Variants in DCC observed in about 807,000 individuals in gnomAD.
DCC encodes the protein netrin receptor DCC.
In DCC, 58 loss-of-function variants were observed where a neutral mutation model predicts 172.5. That is an observed-to-expected ratio of 0.34 (90% CI 0.27 to 0.42). DCC has a LOEUF of 0.42. Among genes scored for constraint, DCC ranks in the 10% least tolerant of loss-of-function variants. DCC has a pLI of 1.00. For synonymous variants in DCC, 709 were observed against 644.5 expected (o/e 1.10, Z -1.52); for missense variants, 1,740 against 1,791.0 (o/e 0.97, Z 0.51).
chr18:52,927,284 T>C (rs1361622721), intron 5 of DCC, among the ~76,000 whole-genome samples: 1 of 150,638 alleles, frequency 6.6e-6, no homozygotes, highest in African/African-American at 2.4e-5. Flanking sequence ...TATATGTGTG[T>C]ATATATGTAT....
chr18:52,699,014 G>T (rs2036060748), intron 1 of DCC, among the ~76,000 whole-genome samples: 1 of 152,122 alleles, frequency 6.6e-6, no homozygotes, highest in African/African-American at 2.4e-5. Flanking sequence ...TATGTGCTTA[G>T]ATAAGTGAAT....
At chr18:53,154,806 G>T (rs954890338) in intron 7 of DCC, among the ~76,000 whole-genome samples, 1 of 152,140 alleles carries the variant, frequency 6.6e-6, no homozygotes, top group Non-Finnish European at 1.5e-5. Context: ...GCAGGCTGAG[G>T]GGGAGGGAGA....
intron 20 of DCC, among the ~76,000 whole-genome samples, chr18:53,411,581 C>A (rs544319504): frequency 6.6e-6 from 1 of 152,154 alleles, no homozygotes; most frequent in African/African-American, 2.4e-5. Context: ...CTTAGTATAA[C>A]TGTATAGCCT....
chr18:53,327,859 T>C (rs2057484741), intron 14 of DCC, among the ~76,000 whole-genome samples: 1 of 152,216 alleles, frequency 6.6e-6, no homozygotes, highest in Non-Finnish European at 1.5e-5. Flanking sequence ...TCTTGTACTT[T>C]TGATAGGGAC....
intron 2 of DCC, among the ~76,000 whole-genome samples, chr18:52,878,010 C>T (rs1057077184): frequency 6.6e-6 from 1 of 151,968 alleles, no homozygotes; most frequent in African/African-American, 2.4e-5. Flanking sequence ...GTCTCTGGGG[C>T]TAAATATAAA....
chr18:53,196,507 T>A (rs1221188244), intron 9 of DCC, among the ~76,000 whole-genome samples: 1 of 152,176 alleles, frequency 6.6e-6, no homozygotes, highest in African/African-American at 2.4e-5. Context: ...ATTATCCAAC[T>A]GTTTCCAGTT....
chr18:53,257,291 A>C (rs528596489), intron 12 of DCC, among the ~76,000 whole-genome samples: 5 of 152,250 alleles, frequency 3.3e-5, no homozygotes, highest in East Asian at 1.9e-4. Flanking sequence ...GTCTTGTGCC[A>C]GTTTTCAAAG....
At chr18:52,762,310 CA>C (rs905356453) in intron 2 of DCC, among the ~76,000 whole-genome samples, 107 of 151,566 alleles carry the variant, frequency 7.1e-4, no homozygotes, top group Admixed American at 5.0e-3. Flanking sequence ...ACTGTCTCTA[CA>C]AAAAAATAAA....
chr18:52,824,425 TG>T (rs1329553164), intron 2 of DCC, among the ~76,000 whole-genome samples: 3 of 150,646 alleles, frequency 2.0e-5, no homozygotes, highest in Non-Finnish European at 2.9e-5. Context: ...TGTATGTCAC[TG>T]GATGCTGGCA....
intron 14 of DCC, among the ~76,000 whole-genome samples, chr18:53,334,196 A>G (rs2057565529): frequency 6.6e-6 from 1 of 152,086 alleles, no homozygotes; most frequent in East Asian, 1.9e-4. Context: ...TCCTCTCCAA[A>G]CTTCTTTTTC....
intron 2 of DCC, among the ~76,000 whole-genome samples, chr18:52,825,748 C>T (rs1012456520): frequency 3.3e-5 from 5 of 151,904 alleles, no homozygotes; most frequent in Non-Finnish European, 5.9e-5. Context: ...TGTTCTGCTG[C>T]TCTACACACC....
intron 1 of DCC, among the ~76,000 whole-genome samples, chr18:52,635,714 C>T (rs1034571862): frequency 2.6e-5 from 4 of 152,130 alleles, no homozygotes; most frequent in African/African-American, 9.7e-5. Flanking sequence ...CTACATAAAT[C>T]CTCCTTCCTG....
At chr18:53,104,342 G>C (rs1598805623) in intron 7 of DCC, among the ~76,000 whole-genome samples, 1 of 152,116 alleles carries the variant, frequency 6.6e-6, no homozygotes, top group Admixed American at 6.6e-5. Context: ...GGTCTTTTCT[G>C]TGCTGTTCTC....
At chr18:53,258,759 G>T (rs1268067883) in intron 12 of DCC, among the ~76,000 whole-genome samples, 7 of 152,112 alleles carry the variant, frequency 4.6e-5, no homozygotes, top group Non-Finnish European at 4.4e-5. Flanking sequence ...TTAGTTCCTG[G>T]ATATCCTTTT....
chr18:53,247,269 T>C (rs1215491138), intron 12 of DCC, among the ~76,000 whole-genome samples: 1 of 152,008 alleles, frequency 6.6e-6, no homozygotes, highest in Non-Finnish European at 1.5e-5. Context: ...TTCTTCTTGA[T>C]CCTAAGTCTA....
At chr18:52,541,873 GTGTATATATATATATATATATA>G (rs1268664657) in intron 1 of DCC, among the ~76,000 whole-genome samples, 4 of 30,058 alleles carry the variant, frequency 1.3e-4, no homozygotes, top group East Asian at 9.6e-4. Context: ...ATGTGTGTGT[GTGTATATATATATATATATATA>G]TGTGTATATA....
chr18:53,366,287 A>G (rs2144945208), intron 15 of DCC, among the ~76,000 whole-genome samples: 1 of 152,192 alleles, frequency 6.6e-6, no homozygotes, highest in South Asian at 2.1e-4. Flanking sequence ...ACCTCAGGTG[A>G]TCTGCCCGAC....
intron 5 of DCC, among the ~76,000 whole-genome samples, chr18:53,048,489 TTG>T (rs71175550): frequency 0.094 from 13,020 of 139,164 alleles, 667 homozygotes; most frequent in Admixed American, 0.16. Flanking sequence ...ACTCCATGGT[TTG>T]TGTGTGTGTG....
intron 13 of DCC, among the ~76,000 whole-genome samples, chr18:53,316,959 C>A (rs571273289): frequency 1.3e-5 from 2 of 152,154 alleles, no homozygotes; most frequent in Non-Finnish European, 2.9e-5. Flanking sequence ...GCCTGATTGC[C>A]CTGGCCAGAA....
Sources: allele counts gnomAD v4.1 joint callset (sites outside exome capture counted in the v4.1 genomes callset), GRCh38; gene constraint gnomAD v4.1.1; transcripts MANE v1.5; gene names NCBI Gene and HGNC (gene_info 2026-07-23, HGNC 2026-07-21).